Variants in PACSIN2 observed in about 807,000 individuals in gnomAD.
PACSIN2 encodes protein kinase C and casein kinase substrate in neurons 2, also known as protein kinase C and casein kinase substrate in neurons protein 2.
In PACSIN2, 25 loss-of-function variants were observed where a neutral mutation model predicts 63.8. The ratio of observed to expected loss-of-function variants is 0.39; its 90% confidence interval spans 0.29 to 0.55. PACSIN2 has a LOEUF of 0.55. PACSIN2 is among the 20% of genes least tolerant of loss of function. The probability of loss-of-function intolerance (pLI) is 0.62; values close to 1 mark genes in which losing one functional copy is unlikely to be tolerated. For synonymous variants in PACSIN2, 255 were observed against 256.2 expected, an observed-to-expected ratio of 1.00 and a Z score of 0.05; for missense variants, 518 against 646.9, an observed-to-expected ratio of 0.80 and a Z score of 2.16.
intron 1 of PACSIN2, among the ~76,000 whole-genome samples, chr22:42,963,752 A>G (rs762854766): frequency 1.3e-5 from 2 of 152,048 alleles, no homozygotes; most frequent in Non-Finnish European, 2.9e-5. Context: ...TCCTCTCTCT[A>G]CCACACCCGT....
intron 1 of PACSIN2, among the ~76,000 whole-genome samples, chr22:42,948,924 C>T (rs10483214): frequency 0.06 from 9,154 of 152,204 alleles, 906 homozygotes; most frequent in African/African-American, 0.21. Flanking sequence ...AAACAGGGAA[C>T]TCAATTGTCA....
chr22:42,966,123 G>A (rs1269424036), intron 1 of PACSIN2, among the ~76,000 whole-genome samples: 1 of 152,172 alleles, frequency 6.6e-6, no homozygotes, highest in East Asian at 1.9e-4. Context: ...TGTAATCCCA[G>A]CACTTTGGGA....
At chr22:42,878,936 G>C in intron 8 of PACSIN2, 112 bp downstream of exon 8, 1 of 1,270,834 alleles carries the variant, frequency 7.9e-7, no homozygotes, top group South Asian at 1.6e-5. Flanking sequence ...ACAGAGCTCA[G>C]GAGCCCAGGA....
At chr22:42,975,295 G>C (rs1051512105) in intron 1 of PACSIN2, among the ~76,000 whole-genome samples, 1 of 151,968 alleles carries the variant, frequency 6.6e-6, no homozygotes, top group Non-Finnish European at 1.5e-5. Flanking sequence ...TTACTCATAA[G>C]ACAAATAAAA....
chr22:42,882,252 C>G lies in PACSIN2; in HGVS notation c.838G>C (p.Val280Leu). The G allele has an allele frequency of 6.2e-7, 1 of 1,613,920 alleles. No individual in the cohort carries two copies. The highest frequency in any genetic ancestry group is 8.5e-7 in the Non-Finnish European group (1 of 1,179,792). ...GCTCGGAACCACCTCAGGTCCTCCACTGCATCAGCTGCTCTGATGCTCTGC... is the reference window on the plus strand; with the variant it reads ...GCTCGGAACCACCTCAGGTCCTCCAGTGCATCAGCTGCTCTGATGCTCTGC... ...LEQSIRAADA[V>L]EDLRWFRANH... The change falls in exon 7 of 11, where the codon GTG becomes CTG. Residue 280 changes from valine to leucine, a missense_variant. Val to Leu is a conservative substitution (Grantham distance 32). This residue lies in a region of PACSIN2 where 507 missense variants were observed against 612.3 expected (regional missense o/e 0.83). Transcript: ENST00000263246.
chr22:42,907,008 G>A (rs149395475), intron 2 of PACSIN2, among the ~76,000 whole-genome samples: 96 of 152,316 alleles, frequency 6.3e-4, no homozygotes, highest in Middle Eastern at 3.4e-3. Flanking sequence ...GCCCAAGCCC[G>A]CCCGGAGCAG....
At chr22:42,997,536 C>T (rs897617527) in intron 1 of PACSIN2, among the ~76,000 whole-genome samples, 14 of 149,664 alleles carry the variant, frequency 9.4e-5, no homozygotes, top group African/African-American at 3.4e-4. Flanking sequence ...CCAGCCTGGG[C>T]GACAGCGAGA....
chr22:42,961,487 C>T lies in PACSIN2; in HGVS notation c.-77-49330G>A, dbSNP rs138233980. On this transcript the variant is annotated intron_variant, in intron 1 of 10. Coordinates refer to ENST00000263246, the MANE Select transcript of PACSIN2 (RefSeq NM_001184970.3). ...AAAAAAATCTTGTGTTTAGAAATTC[C>T]TTAGGCTGGGCCGGTGGCTCACACT... Among the ~76,000 whole-genome samples, 145 of 150,170 alleles carry T rather than the reference C, an allele frequency of 9.7e-4. 2 individuals carry two copies. Among genetic ancestry groups the T allele is most frequent in the African/African-American group, 3.5e-3 (141 of 40,738 alleles).
At chr22:42,934,965 G>T (rs1179202330) in intron 1 of PACSIN2, among the ~76,000 whole-genome samples, 2 of 151,742 alleles carry the variant, frequency 1.3e-5, no homozygotes, top group Non-Finnish European at 2.9e-5. Flanking sequence ...GCCCAGGCTG[G>T]AGTGCAGTGG....
intron 1 of PACSIN2, among the ~76,000 whole-genome samples, chr22:42,920,358 T>A (rs1009335701): frequency 3.9e-5 from 6 of 152,162 alleles, no homozygotes; most frequent in African/African-American, 1.4e-4. Context: ...ACTTTTAGAA[T>A]GGGGTGGTGT....
intron 2 of PACSIN2, among the ~76,000 whole-genome samples, chr22:42,900,400 GT>G (rs1413754607): frequency 1.3e-5 from 2 of 152,194 alleles, no homozygotes; most frequent in Non-Finnish European, 2.9e-5. Flanking sequence ...GGTACTGACA[GT>G]TTTACATGCC....
intron 1 of PACSIN2, among the ~76,000 whole-genome samples, chr22:42,953,563 G>A (rs1210902414): frequency 6.6e-6 from 1 of 152,096 alleles, no homozygotes; most frequent in African/African-American, 2.4e-5. Context: ...ACAGAGGAAG[G>A]GAATTTATCT....
intron 5 of PACSIN2, among the ~76,000 whole-genome samples, chr22:42,888,276 C>G (rs1159017712): frequency 6.6e-6 from 1 of 152,004 alleles, no homozygotes; most frequent in Non-Finnish European, 1.5e-5. Flanking sequence ...CACCACTGGC[C>G]ACAACCATTC....
chr22:42,994,741 C>A (rs1386416890), intron 1 of PACSIN2, among the ~76,000 whole-genome samples: 3 of 152,218 alleles, frequency 2.0e-5, no homozygotes, highest in African/African-American at 7.2e-5. Flanking sequence ...GGAAAAAGGG[C>A]CCCGGGCAGG....
chr22:42,916,976 G>A (rs1931853004), intron 1 of PACSIN2, among the ~76,000 whole-genome samples: 1 of 152,054 alleles, frequency 6.6e-6, no homozygotes, highest in African/African-American at 2.4e-5. Flanking sequence ...TTTTGGTGAC[G>A]CTGCCACCTG....
At chr22:42,983,145 C>T (rs1189723394) in intron 1 of PACSIN2, among the ~76,000 whole-genome samples, 3 of 151,762 alleles carry the variant, frequency 2.0e-5, no homozygotes, top group Admixed American at 6.6e-5. Flanking sequence ...GGTAAAACCC[C>T]GTCTCTACTG....
chr22:42,924,029 G>A (rs1349424799), intron 1 of PACSIN2, among the ~76,000 whole-genome samples: 1 of 150,482 alleles, frequency 6.6e-6, no homozygotes, highest in Non-Finnish European at 1.5e-5. Context: ...GTGACAAAGC[G>A]AGACCTGGTC....
intron 6 of PACSIN2, 78 bp from the exon 7 acceptor site, chr22:42,882,382 C>G (rs945287397): frequency 5.5e-5 from 83 of 1,501,156 alleles, no homozygotes; most frequent in African/African-American, 9.7e-5. Context: ...CCAGCCACAG[C>G]AGGTCCCGTG....
chr22:42,886,873 G>A (rs778271323), intron 5 of PACSIN2, among the ~76,000 whole-genome samples: 5 of 152,068 alleles, frequency 3.3e-5, no homozygotes, highest in African/African-American at 4.8e-5. Context: ...GTCCAACCTC[G>A]AGCCCTGGGC....
Sources: allele counts gnomAD v4.1 joint callset (sites outside exome capture counted in the v4.1 genomes callset), GRCh38; gene constraint gnomAD v4.1.1; regional missense constraint gnomAD v4.1.1; transcripts MANE v1.5; gene names NCBI Gene and HGNC (gene_info 2026-07-23, HGNC 2026-07-21).